The following NCAN variants were observed in gnomAD, a reference collection of about 807,000 sequenced individuals.
The protein encoded by NCAN is neurocan core protein.
NCAN carries 47 observed loss-of-function variants against 121.8 expected under a neutral mutation model. That is an observed-to-expected ratio of 0.39 (90% CI 0.31 to 0.49). The LOEUF (loss-of-function observed/expected upper bound fraction) is 0.49, where lower values mean the gene tolerates loss of function less well. Ranked by LOEUF, NCAN falls within the 20% of genes least tolerant of loss-of-function variation. NCAN has a pLI of 0.92. For missense variants in NCAN, 1,517 were observed against 1,773.4 expected (o/e 0.86, Z 2.60); for synonymous variants, 633 against 702.0 (o/e 0.90, Z 1.55).
At chr19:19,234,366 C>G (rs117893895) in intron 9 of NCAN, among the ~76,000 whole-genome samples, 2 of 152,168 alleles carry the variant, frequency 1.3e-5, no homozygotes, top group Non-Finnish European at 2.9e-5. Flanking sequence ...GACTTCACAA[C>G]CTTCACAACC....
At chr19:19,218,846 A>C (rs2060805087) in intron 2 of NCAN, 69 bp from the exon 3 acceptor site, 2 of 1,380,516 alleles carry the variant, frequency 1.4e-6, no homozygotes, top group East Asian at 5.3e-5. Flanking sequence ...TTTTTAAAAG[A>C]GGGAAATAGC....
intron 9 of NCAN, among the ~76,000 whole-genome samples, chr19:19,234,418 A>G (rs2060873522): frequency 6.6e-6 from 1 of 152,234 alleles, no homozygotes; most frequent in South Asian, 2.1e-4. Flanking sequence ...TATAAATGAT[A>G]TAATTTCTTG....
intron 12 of NCAN, among the ~76,000 whole-genome samples, chr19:19,244,311 T>TTTTC (rs1039461975): frequency 6.2e-5 from 9 of 145,044 alleles, no homozygotes; most frequent in Non-Finnish European, 1.1e-4. Context: ...CTTACTATCT[T>TTTTC]TTTTTTTTTT....
rs778532673 is a variant in NCAN, at chr19:19,226,700, C to T, written c.1287C>T (p.Leu429=). The stretch of plus-strand genomic sequence containing the variant: ...AGAAGCAGGAGTCTCAACAGACCCT[C>T]AGCCCTACCCCTGGGGACCCCATGC... ...LEEKQESQQT[L]SPTPGDPMLA... Residue 429 remains leucine, a synonymous_variant, in exon 7 of 15, where the codon CTC becomes CTT. Transcript: ENST00000252575. The T allele has an allele frequency of 4.3e-6, 7 of 1,612,742 alleles. No individual in the cohort carries two copies. The highest frequency in any genetic ancestry group is 5.9e-6 in the Non-Finnish European group (7 of 1,179,086).
At chr19:19,213,893 CCTGA>C (rs2060785826) in intron 1 of NCAN, among the ~76,000 whole-genome samples, 1 of 152,136 alleles carries the variant, frequency 6.6e-6, no homozygotes, top group Admixed American at 6.5e-5. Context: ...ACTAATACAC[CCTGA>C]CTCTCAGGTC....
intron 1 of NCAN, 103 bp from the exon 2 acceptor site, chr19:19,216,843 TG>T: frequency 1.7e-6 from 1 of 592,920 alleles, no homozygotes; most frequent in Non-Finnish European, 2.7e-6. Context: ...CTCTGAGCCC[TG>T]GTTTCCTGAT....
chr19:19,228,042 C>T lies in NCAN; in HGVS notation c.2422C>T (p.Pro808Ser), dbSNP rs748332141. The T allele has an allele frequency of 6.2e-7, 1 of 1,613,518 alleles. No homozygotes were observed. The highest frequency in any genetic ancestry group is 8.5e-7 in the Non-Finnish European group (1 of 1,180,042). The change falls in exon 8 of 15, where the codon CCC becomes TCC. Residue 808 changes from proline (P) to serine (S), a missense_variant. Pro to Ser is a moderately conservative substitution (Grantham distance 74). Transcript: ENST00000252575. ...PLGSPGVFLV[P>S]KVTPNLEPWV... ...GGGGAGCCCTGGAGTCTTCTTGGTA[C>T]CCAAAGTCACCCCAAATTTGGAGCC...
chr19:19,225,830 G>T lies in NCAN; in HGVS notation c.1072+560G>T, dbSNP rs1315366101. On this transcript the variant is annotated intron_variant, in intron 6 of 14. Transcript: ENST00000252575. This position sits in a 1 kb window ranked among gnomAD's most constrained non-coding sequence, Gnocchi z 4.0. ...CCACGGGGCACCACCTGTACCAGGG[G>T]AGGATCCGTCACCAAGGTTGAGTTG... Among the ~76,000 whole-genome samples the T allele has an allele frequency of 6.6e-6, 1 of 152,248 alleles. No individual in the cohort carries two copies. Among genetic ancestry groups the T allele is most frequent in the African/African-American group, 2.4e-5 (1 of 41,470 alleles).
At chr19:19,220,171 G>A (rs902426183) in intron 3 of NCAN, among the ~76,000 whole-genome samples, 2 of 151,990 alleles carry the variant, frequency 1.3e-5, no homozygotes, top group South Asian at 4.1e-4. Flanking sequence ...TTTTGAGATG[G>A]AGTCTCACTC....
chr19:19,219,714 C>A (rs1184817478), intron 3 of NCAN, among the ~76,000 whole-genome samples: 1 of 145,760 alleles, frequency 6.9e-6, no homozygotes, highest in African/African-American at 2.5e-5. Flanking sequence ...ACTCTCTGAA[C>A]CGGGATTCCC....
intron 8 of NCAN, among the ~76,000 whole-genome samples, chr19:19,229,686 G>A (rs1355326630): frequency 6.6e-6 from 1 of 152,180 alleles, no homozygotes; most frequent in Non-Finnish European, 1.5e-5. Flanking sequence ...TTCTCCCTGG[G>A]GCCAGGTCAG....
At chr19:19,230,403 A>ATTTTT (rs5827436) in intron 8 of NCAN, among the ~76,000 whole-genome samples, 5 of 118,474 alleles carry the variant, frequency 4.2e-5, no homozygotes, top group Non-Finnish European at 8.1e-5. Context: ...CCACCCCCAA[A>ATTTTT]TTTTTTTTTT....
At chr19:19,234,022 C>G in intron 9 of NCAN, 117 bp downstream of exon 9, 1 of 656,942 alleles carries the variant, frequency 1.5e-6, no homozygotes, top group Middle Eastern at 2.7e-4. Flanking sequence ...GTTTCAGATG[C>G]TCCATTCCCA....
In NCAN at chr19:19,249,658, C is replaced by A. The variant is rs992463378; in HGVS notation, c.3821-108C>A. 14 of 1,477,456 alleles carry A rather than the reference C, an allele frequency of 9.5e-6. No individual in the cohort carries two copies. In the Admixed American group the frequency reaches 1.1e-4, roughly 12 times the overall value. The allele number at this position is 1,477,456 out of a possible 1,614,324, so 91.5% of individuals were successfully genotyped here. Reference sequence around the variant, plus strand: ...CTGGGATGACAGGGATGAGCCCTCGCGTCTGGCCTCTTTCCTCTACTTTCT... The same window carrying A: ...CTGGGATGACAGGGATGAGCCCTCGAGTCTGGCCTCTTTCCTCTACTTTCT... On this transcript the variant is annotated intron_variant, in intron 14 of 14. Coordinates refer to ENST00000252575, the MANE Select transcript of NCAN (RefSeq NM_004386.3).
intron 8 of NCAN, among the ~76,000 whole-genome samples, chr19:19,230,081 G>A (rs1253041251): frequency 1.3e-5 from 2 of 151,916 alleles, no homozygotes; most frequent in Admixed American, 1.3e-4. Flanking sequence ...GTCTCACTCT[G>A]TCATCCAGCC....
chr19:19,244,759 G>A (rs577836663), intron 12 of NCAN, among the ~76,000 whole-genome samples: 7 of 137,494 alleles, frequency 5.1e-5, no homozygotes, highest in East Asian at 2.1e-4. Context: ...GCAGAGTCTC[G>A]GTCTTGTCAC....
intron 1 of NCAN, among the ~76,000 whole-genome samples, chr19:19,214,308 G>T (rs918336060): frequency 6.6e-6 from 1 of 152,150 alleles, no homozygotes; most frequent in South Asian, 2.1e-4. Flanking sequence ...ATATGCATGA[G>T]GCTTGTACAT....
chr19:19,237,119 G>A (rs1252721979), intron 10 of NCAN, among the ~76,000 whole-genome samples: 1 of 151,276 alleles, frequency 6.6e-6, no homozygotes, highest in Admixed American at 6.6e-5. Context: ...GATGGGGCCA[G>A]GCTGGTCTTG....
At chr19:19,216,864 G>T in intron 1 of NCAN, 83 bp from the exon 2 acceptor site, 1 of 703,618 alleles carries the variant, frequency 1.4e-6, no homozygotes, top group Non-Finnish European at 2.1e-6. Context: ...TCTGTAGAGT[G>T]GGGGAGTTTG....
Sources: allele counts gnomAD v4.1 joint callset (sites outside exome capture counted in the v4.1 genomes callset), GRCh38; gene constraint gnomAD v4.1.1; non-coding constraint Gnocchi (gnomAD v3.1); transcripts MANE v1.5; gene names NCBI Gene and HGNC (gene_info 2026-07-23, HGNC 2026-07-21).